Variants in MEGF9 observed in about 807,000 individuals in gnomAD.
MEGF9 encodes the protein multiple epidermal growth factor-like domains protein 9.
Under a neutral mutation model 46.8 loss-of-function variants are expected in MEGF9, and 6 were observed. The observed-to-expected ratio is 0.13, with a 90% CI of 0.07 to 0.25. The LOEUF (loss-of-function observed/expected upper bound fraction) is 0.25. MEGF9 is among the 10% of genes least tolerant of loss of function. The pLI is 1.00. For synonymous variants in MEGF9, 302 were observed against 330.7 expected (o/e 0.91, Z 0.94); for missense variants, 683 against 792.4 (o/e 0.86, Z 1.66).
intron 1 of MEGF9, among the ~76,000 whole-genome samples, chr9:120,707,082 A>G (rs2043932385): frequency 1.3e-5 from 2 of 152,226 alleles, no homozygotes; most frequent in Non-Finnish European, 2.9e-5. Context: ...CTGGGCTTCT[A>G]TGGAACTCAA....
At chr9:120,670,519 C>A (rs982365668) in intron 1 of MEGF9, among the ~76,000 whole-genome samples, 2 of 152,226 alleles carry the variant, frequency 1.3e-5, no homozygotes, top group African/African-American at 2.4e-5. Context: ...GTCCCTAGAA[C>A]TGCTTCTAAA....
chr9:120,625,650 A>G (rs2043520887), intron 2 of MEGF9, among the ~76,000 whole-genome samples: 1 of 152,036 alleles, frequency 6.6e-6, no homozygotes, highest in East Asian at 1.9e-4. Flanking sequence ...CCTGGCCAAC[A>G]TAGTGAAACC....
At chr9:120,644,807 T>C (rs1270583636) in intron 2 of MEGF9, among the ~76,000 whole-genome samples, 1 of 152,226 alleles carries the variant, frequency 6.6e-6, no homozygotes, top group Non-Finnish European at 1.5e-5. Flanking sequence ...CAGAAGCATT[T>C]GTCAAGTTGT....
intron 1 of MEGF9, among the ~76,000 whole-genome samples, chr9:120,708,622 T>C (rs1225881686): frequency 6.6e-6 from 1 of 152,232 alleles, no homozygotes; most frequent in African/African-American, 2.4e-5. Context: ...TAAATTATTA[T>C]CCTTTATCTT....
chr9:120,672,688 A>T (rs1222385908), intron 1 of MEGF9, among the ~76,000 whole-genome samples: 1 of 152,216 alleles, frequency 6.6e-6, no homozygotes, highest in Non-Finnish European at 1.5e-5. Context: ...GTAGAAAAAA[A>T]TGTTTATTAC....
At chr9:120,635,124 C>T (rs1056532509) in intron 2 of MEGF9, among the ~76,000 whole-genome samples, 3 of 152,110 alleles carry the variant, frequency 2.0e-5, no homozygotes, top group South Asian at 4.1e-4. Context: ...CTTTTAGCAA[C>T]TTGAATATAT....
chr9:120,712,558 G>A (rs866697510), intron 1 of MEGF9, among the ~76,000 whole-genome samples: 3 of 152,238 alleles, frequency 2.0e-5, no homozygotes, highest in African/African-American at 4.8e-5. Context: ...GAAGCTGGAA[G>A]AGATGCACAC....
chr9:120,700,539 T>A (rs984766498), intron 1 of MEGF9, among the ~76,000 whole-genome samples: 1 of 152,098 alleles, frequency 6.6e-6, no homozygotes, highest in Non-Finnish European at 1.5e-5. Flanking sequence ...TAAAATCACA[T>A]GAAAAATCTA....
rs185671423 is a variant in MEGF9, at chr9:120,623,866, C to T, written c.804-1111G>A. 2.0e-3 allele frequency among the ~76,000 whole-genome samples: 307 copies of T among 152,234 alleles called. 2 individuals carry two copies. Among genetic ancestry groups the T allele is most frequent in the Admixed American group, 3.0e-3 (46 of 15,296 alleles). On this transcript the variant is annotated intron_variant, in intron 2 of 5. Transcript: ENST00000373930. ...TTACAACACTTCATCAGCTTATTTC[C>T]AAGGCTTTTAAAATGTTAATCAAAA...
rs142409519 is a variant in MEGF9 at position 120,611,799 on chromosome 9, GGAAA to G, written c.1087+593_1087+596del. Among the ~76,000 whole-genome samples, 1,257 of 135,070 alleles carry G rather than the reference GGAAA, an allele frequency of 9.3e-3. 18 individuals are homozygous for G. The highest frequency in any genetic ancestry group is 0.029 in the African/African-American group (1,037 of 36,170). The allele number at this position is 135,070 out of a possible 152,430, so 88.6% of individuals were successfully genotyped here. On this transcript the variant is annotated intron_variant, in intron 4 of 5. Transcript: ENST00000373930. ...TTTAAACAGACAGGGAGAAAAGAAA[GGAAA>G]GAAAGAAAGAAAAGAAAAGAAAAGA...
At chr9:120,627,813 T>C (rs780930344) in intron 2 of MEGF9, among the ~76,000 whole-genome samples, 2 of 152,180 alleles carry the variant, frequency 1.3e-5, no homozygotes, top group Non-Finnish European at 2.9e-5. Context: ...TTGGGAACTT[T>C]TGCTTTTCCC....
In MEGF9 at chr9:120,607,888, C is replaced by G; in HGVS notation, c.1210G>C (p.Gly404Arg). 1 of 1,613,924 alleles carries G rather than the reference C, an allele frequency of 6.2e-7. No individual in the cohort carries two copies. Among genetic ancestry groups the G allele is most frequent in the South Asian group, 1.1e-5 (1 of 91,076 alleles). ...DSICRKCQCH[G>R]HVDPVKTPKI... ...GGAGTTTTAACTGGGTCCACATGGC[C>G]GTGACATTGGCACTTTCTACAGATG... The change falls in exon 5 of 6, where the codon GGC (glycine) becomes CGC (arginine). Residue 404 changes from glycine to arginine, a missense_variant. Physicochemically the swap from Gly to Arg is moderately radical, Grantham distance 125. This residue lies in a region of MEGF9 where 313 missense variants were observed against 421.1 expected (regional missense o/e 0.74). Transcript: ENST00000373930.
intron 4 of MEGF9, among the ~76,000 whole-genome samples, chr9:120,609,880 G>A (rs568976737): frequency 1.4e-4 from 22 of 152,174 alleles, no homozygotes; most frequent in Non-Finnish European, 2.8e-4. Context: ...TAAGAAAAAC[G>A]AATTCCTTTC....
chr9:120,672,311 C>T (rs1564425004), intron 1 of MEGF9, among the ~76,000 whole-genome samples: 1 of 151,918 alleles, frequency 6.6e-6, no homozygotes, highest in East Asian at 1.9e-4. Flanking sequence ...AAAACTGGGC[C>T]AGGGGTAGTA....
chr9:120,686,642 T>C (rs2043824202), intron 1 of MEGF9, among the ~76,000 whole-genome samples: 1 of 152,262 alleles, frequency 6.6e-6, no homozygotes, highest in African/African-American at 2.4e-5. Context: ...TCTGATTATC[T>C]GCTCTACCAC....
At chr9:120,692,985 G>A (rs1039575877) in intron 1 of MEGF9, among the ~76,000 whole-genome samples, 5 of 151,924 alleles carry the variant, frequency 3.3e-5, no homozygotes, top group Admixed American at 1.3e-4. Flanking sequence ...CATATCCTTC[G>A]CTATGTTCTC....
intron 1 of MEGF9, among the ~76,000 whole-genome samples, chr9:120,694,697 T>A (rs1361824659): frequency 2.0e-5 from 3 of 152,204 alleles, no homozygotes; most frequent in East Asian, 1.9e-4. Context: ...AAGTTTCATG[T>A]TTAGCAGGTA....
At chr9:120,673,282 A>C (rs2043758241) in intron 1 of MEGF9, among the ~76,000 whole-genome samples, 1 of 152,184 alleles carries the variant, frequency 6.6e-6, no homozygotes, top group Non-Finnish European at 1.5e-5. Flanking sequence ...GATTTAATAA[A>C]TCCCAATCAA....
rs142513088 is a variant in MEGF9, at chr9:120,611,278, T to C, written c.1087+1118A>G. Among the ~76,000 whole-genome samples the C allele has an allele frequency of 3.9e-3, 598 of 152,202 alleles. 3 individuals carry two copies. The highest frequency in any genetic ancestry group is 0.014 in the African/African-American group (565 of 41,542). On this transcript the variant is annotated intron_variant, in intron 4 of 5. Coordinates refer to ENST00000373930, the MANE Select transcript of MEGF9 (RefSeq NM_001080497.3). The stretch of plus-strand genomic sequence containing the variant: ...GAAGATAAATGAAAATATATGTACA[T>C]ACAAAAACATGTATACAAATGTTCA...
Sources: gnomAD v4.1 joint callset for allele counts (sites outside exome capture counted in the v4.1 genomes callset) on GRCh38, gnomAD v4.1.1 for gene constraint, gnomAD v4.1.1 regional missense constraint, MANE v1.5 for transcripts, NCBI Gene and HGNC (gene_info 2026-07-23, HGNC 2026-07-21) for gene names.